Variants in SGMS1 observed in about 807,000 individuals in gnomAD.
SGMS1 encodes sphingomyelin synthase 1, also known as phosphatidylcholine:ceramide cholinephosphotransferase 1.
In SGMS1, 13 loss-of-function variants were observed where a neutral mutation model predicts 46.2. That is an observed-to-expected ratio of 0.28 (90% CI 0.18 to 0.45). SGMS1 has a LOEUF of 0.45. SGMS1 is among the 20% of genes least tolerant of loss of function. SGMS1 has a pLI of 1.00. For synonymous variants in SGMS1, 203 were observed against 187.8 expected (o/e 1.08, Z -0.66); for missense variants, 324 against 519.9 (o/e 0.62, Z 3.66).
chr10:50,492,722 A>G (rs1473404369), intron 3 of SGMS1, among the ~76,000 whole-genome samples: 2 of 152,222 alleles, frequency 1.3e-5, no homozygotes, highest in Non-Finnish European at 2.9e-5. Flanking sequence ...TATAATGGCC[A>G]TACTGCCCAA....
intron 2 of SGMS1, among the ~76,000 whole-genome samples, chr10:50,585,430 C>T (rs1838474544): frequency 6.6e-6 from 1 of 152,178 alleles, no homozygotes; most frequent in Non-Finnish European, 1.5e-5. Flanking sequence ...AGCAAAAAAT[C>T]AAATTATGTA....
intron 6 of SGMS1, among the ~76,000 whole-genome samples, chr10:50,381,087 C>A (rs1287878242): frequency 6.6e-6 from 1 of 151,716 alleles, no homozygotes; most frequent in East Asian, 1.9e-4. Flanking sequence ...TCTCAGCCTC[C>A]CAAATTGCTG....
chr10:50,500,149 C>T (rs1035967747), intron 3 of SGMS1, among the ~76,000 whole-genome samples: 1 of 152,170 alleles, frequency 6.6e-6, no homozygotes, highest in African/African-American at 2.4e-5. Flanking sequence ...GCCTGGGTGA[C>T]AGAGCGGGAC....
At chr10:50,417,219 C>T (rs1304211670) in intron 6 of SGMS1, among the ~76,000 whole-genome samples, 1 of 152,100 alleles carries the variant, frequency 6.6e-6, no homozygotes, top group Non-Finnish European at 1.5e-5. Context: ...AGTTACTTGG[C>T]ATCATACAAC....
chr10:50,425,834 A>G (rs913444296), intron 6 of SGMS1, among the ~76,000 whole-genome samples: 1 of 152,254 alleles, frequency 6.6e-6, no homozygotes, highest in Non-Finnish European at 1.5e-5. Flanking sequence ...TTCTCATTAC[A>G]TTAATCTGAG....
At chr10:50,412,345 T>C (rs1468314461) in intron 6 of SGMS1, among the ~76,000 whole-genome samples, 2 of 152,206 alleles carry the variant, frequency 1.3e-5, no homozygotes, top group African/African-American at 4.8e-5. Flanking sequence ...GGACCTCTTA[T>C]TGCCATCTCC....
intron 3 of SGMS1, among the ~76,000 whole-genome samples, chr10:50,503,389 G>A (rs763347411): frequency 4.8e-4 from 73 of 152,040 alleles, no homozygotes; most frequent in Non-Finnish European, 9.0e-4. Flanking sequence ...CCTGTGACCC[G>A]CATGTACACA....
At chr10:50,554,979 T>G (rs1374387781) in intron 2 of SGMS1, among the ~76,000 whole-genome samples, 1 of 152,194 alleles carries the variant, frequency 6.6e-6, no homozygotes, top group Non-Finnish European at 1.5e-5. Context: ...GCCAACTCTT[T>G]CCATTTAACA....
rs758629709 is a variant in SGMS1 at position 50,383,582 on chromosome 10, A to T, written c.-231-39237T>A. On this transcript the variant is annotated intron_variant, in intron 6 of 10. Coordinates refer to ENST00000361781, the MANE Select transcript of SGMS1 (RefSeq NM_147156.4). ...TAATCTGGAGACCCAGGATGTAGAA[A>T]TTTTTTTTTAATTACAACACTTAAT... is the stretch of plus-strand genomic sequence containing the variant. 6.1e-4 allele frequency among the ~76,000 whole-genome samples: 92 copies of T among 151,700 alleles called. 1 individual carries two copies. Among genetic ancestry groups the T allele is most frequent in the Non-Finnish European group, 1.3e-3 (89 of 67,910 alleles).
chr10:50,470,098 G>A (rs1377718358), intron 3 of SGMS1, among the ~76,000 whole-genome samples: 3 of 152,154 alleles, frequency 2.0e-5, no homozygotes, highest in Admixed American at 6.5e-5. Flanking sequence ...ATTGCAGCAG[G>A]CATGCTTCGT....
chr10:50,592,642 C>T (rs992197902), intron 1 of SGMS1, among the ~76,000 whole-genome samples: 1 of 152,166 alleles, frequency 6.6e-6, no homozygotes, highest in Non-Finnish European at 1.5e-5. Context: ...AAGTTCCTTT[C>T]CTCATGGCCT....
At chr10:50,419,044 T>C (rs186932519) in intron 6 of SGMS1, among the ~76,000 whole-genome samples, 1 of 152,244 alleles carries the variant, frequency 6.6e-6, no homozygotes, top group Non-Finnish European at 1.5e-5. Context: ...TGTTAATCTC[T>C]TACTGTGCCT....
At chr10:50,586,494 C>T (rs1030629835) in intron 2 of SGMS1, among the ~76,000 whole-genome samples, 4 of 152,226 alleles carry the variant, frequency 2.6e-5, no homozygotes. Context: ...ACTCTTTGCC[C>T]CTCACCTAAC....
intron 2 of SGMS1, among the ~76,000 whole-genome samples, chr10:50,562,385 C>T (rs1170588680): frequency 1.3e-5 from 2 of 150,582 alleles, no homozygotes; most frequent in African/African-American, 4.9e-5. Context: ...CACTCACACA[C>T]GGGCGCGCAT....
At chr10:50,364,219 AAAAC>A (rs778796002) in intron 6 of SGMS1, among the ~76,000 whole-genome samples, 71 of 152,282 alleles carry the variant, frequency 4.7e-4, no homozygotes, top group East Asian at 2.1e-3. Flanking sequence ...ATCCAAGAAA[AAAAC>A]AAACAAAGAT....
chr10:50,389,240 G>C (rs1478091619), intron 6 of SGMS1, among the ~76,000 whole-genome samples: 1 of 152,010 alleles, frequency 6.6e-6, no homozygotes, highest in Non-Finnish European at 1.5e-5. Flanking sequence ...TCTAATAAAA[G>C]GTGCAGTTTT....
At chr10:50,450,061 C>T in intron 5 of SGMS1, among the ~76,000 whole-genome samples, 1 of 152,154 alleles carries the variant, frequency 6.6e-6, no homozygotes, top group African/African-American at 2.4e-5. Context: ...AGAGAAAAGA[C>T]TATATGAAAC....
At chr10:50,400,022 CCTT>C (rs1236940719) in intron 6 of SGMS1, among the ~76,000 whole-genome samples, 5 of 144,140 alleles carry the variant, frequency 3.5e-5, no homozygotes, top group East Asian at 4.1e-4. Flanking sequence ...CAGTGAGACT[CCTT>C]CTCAAAAAAA....
At chr10:50,556,535 T>A (rs1838190552) in intron 2 of SGMS1, among the ~76,000 whole-genome samples, 1 of 152,192 alleles carries the variant, frequency 6.6e-6, no homozygotes, top group Non-Finnish European at 1.5e-5. Flanking sequence ...CAGGAACATG[T>A]GCCAGGTGTA....
Sources: gnomAD v4.1 joint callset for allele counts (sites outside exome capture counted in the v4.1 genomes callset) on GRCh38, gnomAD v4.1.1 for gene constraint, MANE v1.5 for transcripts, NCBI Gene and HGNC (gene_info 2026-07-23, HGNC 2026-07-21) for gene names.